The following FGF10 variants were observed in gnomAD, a reference collection of about 807,000 sequenced individuals.
FGF10 encodes fibroblast growth factor 10.
Under a neutral mutation model 19.8 loss-of-function variants are expected in FGF10, and 2 were observed. The ratio of observed to expected loss-of-function variants is 0.10; its 90% confidence interval spans 0.04 to 0.32. The LOEUF is 0.32. Ranked by LOEUF, FGF10 falls within the 10% of genes least tolerant of loss-of-function variation. FGF10 has a pLI of 1.00. For synonymous variants in FGF10, 112 were observed against 94.0 expected (o/e 1.19, Z -1.10); for missense variants, 191 against 246.3 (o/e 0.78, Z 1.50).
At position 44,304,896 on chromosome 5, in the gene FGF10, C is replaced by G. The variant is rs555349913; in HGVS notation, c.*99G>C. 237 of 1,216,262 alleles carry G rather than the reference C, an allele frequency of 1.9e-4. 3 individuals carry two copies. In the South Asian group the frequency reaches 2.7e-3, roughly 14 times the overall value. The allele number at this position is 1,216,262 out of a possible 1,614,324, so 75.3% of individuals were successfully genotyped here. On this transcript the variant is annotated 3_prime_UTR_variant, in exon 3 of 3. Coordinates refer to ENST00000264664, the MANE Select transcript of FGF10 (RefSeq NM_004465.2). ...CTTTTAAGCAAGCAGACATCTGCAA[C>G]GTGTCTTTGCCTTTCAATCTACTGT...
At chr5:44,343,680 A>G (rs1418512076) in intron 1 of FGF10, among the ~76,000 whole-genome samples, 1 of 151,968 alleles carries the variant, frequency 6.6e-6, no homozygotes, top group East Asian at 1.9e-4. Flanking sequence ...CAACAAATGA[A>G]ATCTGAGGCC....
intron 1 of FGF10, among the ~76,000 whole-genome samples, chr5:44,320,139 C>T (rs1465328678): frequency 6.6e-6 from 1 of 152,160 alleles, no homozygotes; most frequent in Non-Finnish European, 1.5e-5. Context: ...GGTGGTGATG[C>T]TAGCACTGAG....
At chr5:44,319,027 C>G (rs1740420564) in intron 1 of FGF10, among the ~76,000 whole-genome samples, 1 of 152,064 alleles carries the variant, frequency 6.6e-6, no homozygotes, top group Non-Finnish European at 1.5e-5. Flanking sequence ...ATTGGGAAAT[C>G]CAGAGAGATT....
At chr5:44,349,042 C>G (rs939536074) in intron 1 of FGF10, among the ~76,000 whole-genome samples, 1 of 151,430 alleles carries the variant, frequency 6.6e-6, no homozygotes, top group African/African-American at 2.4e-5. Flanking sequence ...ACACAGCAGA[C>G]TTTGCTTAAC....
At position 44,310,189 on chromosome 5, in the gene FGF10, A is replaced by G. The variant is rs560908755; in HGVS notation, c.429+238T>C. ...CCTGACTTGGTTAGCAGTTTAGAAC[A>G]TTCACAGACAAATGCCAGCAGCAGC... On this transcript the variant is annotated intron_variant, in intron 2 of 2. Coordinates refer to ENST00000264664, the MANE Select transcript of FGF10 (RefSeq NM_004465.2). 2.2e-4 allele frequency among the ~76,000 whole-genome samples: 33 copies of G among 152,214 alleles called. No individual in the cohort carries two copies. In the South Asian group the frequency reaches 6.6e-3, roughly 31 times the overall value.
chr5:44,370,826 A>C (rs1189364081), intron 1 of FGF10, among the ~76,000 whole-genome samples: 1 of 152,134 alleles, frequency 6.6e-6, no homozygotes. Flanking sequence ...ATGTTAATAA[A>C]TTTTAGGAGA....
chr5:44,302,581 C>T lies in FGF10; in HGVS notation c.*2414G>A, dbSNP rs1739990273. 1.3e-5 allele frequency among the ~76,000 whole-genome samples: 2 copies of T among 151,940 alleles called. No homozygotes were observed. Among genetic ancestry groups the T allele is most frequent in the Admixed American group, 1.3e-4 (2 of 15,220 alleles). The stretch of plus-strand genomic sequence containing the variant: ...GGATGTCTCACTAGGTTTCTCAGGC[C>T]TGTCTAGAACTCCTGGACTCAAGCC... On this transcript the variant is annotated 3_prime_UTR_variant, in exon 3 of 3. Transcript: ENST00000264664.
At chr5:44,382,358 T>C (rs766655673) in intron 1 of FGF10, among the ~76,000 whole-genome samples, 72 of 152,192 alleles carry the variant, frequency 4.7e-4, no homozygotes, top group Non-Finnish European at 9.4e-4. Context: ...CTTGAAACTT[T>C]CTATTTGTGT....
chr5:44,362,215 T>C (rs1162781433), intron 1 of FGF10, among the ~76,000 whole-genome samples: 2 of 151,726 alleles, frequency 1.3e-5, no homozygotes, highest in Non-Finnish European at 3.0e-5. Flanking sequence ...ATCTGCTCCA[T>C]GATGTGTGCT....
In FGF10 at chr5:44,301,873, C is replaced by A. The variant is rs997248077; in HGVS notation, c.*3122G>T. Among the ~76,000 whole-genome samples, 2 of 152,080 alleles carry A rather than the reference C, an allele frequency of 1.3e-5. No individual in the cohort carries two copies. The highest frequency in any genetic ancestry group is 2.9e-5 in the Non-Finnish European group (2 of 68,016). On this transcript the variant is annotated 3_prime_UTR_variant, in exon 3 of 3. Transcript: ENST00000264664. ...CAATATTTTAATTTTCTTTTCCCAA[C>A]ATTTTTATTGTTTTTATTTAAATGT...
intron 1 of FGF10, among the ~76,000 whole-genome samples, chr5:44,383,760 G>A (rs549742426): frequency 6.6e-5 from 10 of 152,126 alleles, no homozygotes; most frequent in South Asian, 4.1e-4. Flanking sequence ...CTCAATGCTC[G>A]TGATTAAATG....
chr5:44,324,321 G>A (rs989444910), intron 1 of FGF10, among the ~76,000 whole-genome samples: 1 of 152,048 alleles, frequency 6.6e-6, no homozygotes, highest in Non-Finnish European at 1.5e-5. Context: ...TCCAAGCCAT[G>A]TTAACTGTAA....
chr5:44,358,294 A>T (rs1286305423), intron 1 of FGF10, among the ~76,000 whole-genome samples: 1 of 151,448 alleles, frequency 6.6e-6, no homozygotes, highest in Non-Finnish European at 1.5e-5. Context: ...TTCTGGGTAA[A>T]CATTGGCATG....
intron 2 of FGF10, 97 bp from the exon 3 acceptor site, chr5:44,305,289 T>C (rs1740049918): frequency 7.3e-6 from 8 of 1,100,354 alleles, no homozygotes; most frequent in Non-Finnish European, 1.1e-5. Flanking sequence ...AGGATTCTGT[T>C]TGTAGTTGCC....
chr5:44,381,737 AAAG>A, intron 1 of FGF10, among the ~76,000 whole-genome samples: 1 of 152,350 alleles, frequency 6.6e-6, no homozygotes, highest in African/African-American at 2.4e-5. Flanking sequence ...TCCTTGAAGA[AAAG>A]TAATAATAAT....
intron 1 of FGF10, among the ~76,000 whole-genome samples, chr5:44,319,636 C>T (rs943316779): frequency 3.2e-4 from 48 of 152,232 alleles, no homozygotes; most frequent in African/African-American, 1.1e-3. Flanking sequence ...TAGAATAATA[C>T]ATAATTGGCC....
chr5:44,365,276 T>A (rs1459112069), intron 1 of FGF10, among the ~76,000 whole-genome samples: 1 of 151,064 alleles, frequency 6.6e-6, no homozygotes, highest in Non-Finnish European at 1.5e-5. Flanking sequence ...AGGAGCTCAC[T>A]CTTTAATCAG....
intron 1 of FGF10, among the ~76,000 whole-genome samples, chr5:44,341,145 A>G (rs1579917720): frequency 6.6e-6 from 1 of 152,152 alleles, no homozygotes; most frequent in African/African-American, 2.4e-5. Context: ...AATAAATGGC[A>G]GTAAATGCTT....
intron 1 of FGF10, among the ~76,000 whole-genome samples, chr5:44,335,542 A>C (rs1261071899): frequency 6.6e-6 from 1 of 152,130 alleles, no homozygotes; most frequent in Non-Finnish European, 1.5e-5. Context: ...TTGGCATGTT[A>C]AACATATTCA....
Sources: allele counts gnomAD v4.1 joint callset (sites outside exome capture counted in the v4.1 genomes callset), GRCh38; gene constraint gnomAD v4.1.1; transcripts MANE v1.5; gene names NCBI Gene and HGNC (gene_info 2026-07-23, HGNC 2026-07-21).